Variants in YJU2 observed in about 807,000 individuals in gnomAD.
The protein encoded by YJU2 is splicing factor YJU2.
In YJU2, 28 loss-of-function variants were observed where a neutral mutation model predicts 39.6. The ratio of observed to expected loss-of-function variants is 0.71; its 90% CI spans 0.52 to 0.97. The LOEUF (loss-of-function observed/expected upper bound fraction) is 0.97, where lower values mean the gene tolerates loss of function less well. Among genes scored for constraint, YJU2 ranks in the 50% least tolerant of loss-of-function variants. The pLI is 0.00. For synonymous variants in YJU2, 184 were observed against 182.4 expected, an observed-to-expected ratio of 1.01 and a Z score of -0.07; for missense variants, 328 against 430.4, an observed-to-expected ratio of 0.76 and a Z score of 2.11.
intron 4 of YJU2, 109 bp from the exon 5 acceptor site, chr19:4,258,133 G>A (rs1415377507): frequency 2.8e-6 from 4 of 1,452,648 alleles, no homozygotes; most frequent in African/African-American, 1.4e-5. Flanking sequence ...GGATGGAAAC[G>A]TGGGGGTAGG....
chr19:4,258,298 C>T lies in YJU2; in HGVS notation c.462C>T (p.Leu154=), dbSNP rs1568362372. The change falls in exon 5 of 8, where the codon CTC becomes CTT. Residue 154 remains leucine, a synonymous_variant. Transcript: ENST00000262962. ...SKLEMEVLEN[L]QELKDLNQRQ... ...TGGAGATGGAGGTGCTGGAGAACCT[C>T]CAGGAGCTGAAAGACCTGAACCAGC... 6.4e-7 allele frequency: 1 copy of T among 1,566,170 alleles called. No individual in the cohort carries two copies. The highest frequency in any genetic ancestry group is 8.7e-7 in the Non-Finnish European group (1 of 1,155,132).
chr19:4,251,524 A>G (rs1309500762), intron 3 of YJU2, among the ~76,000 whole-genome samples: 1 of 152,100 alleles, frequency 6.6e-6, no homozygotes, highest in Non-Finnish European at 1.5e-5. Context: ...TGCCATGTCT[A>G]CTAAAAATAC....
chr19:4,264,210 C>T (rs1302460258), intron 6 of YJU2, among the ~76,000 whole-genome samples: 4 of 126,982 alleles, frequency 3.2e-5, no homozygotes, highest in Admixed American at 9.4e-5. Context: ...TGCAGTGAGC[C>T]GAGATTGTGC....
chr19:4,259,443 A>C (rs1485543227), intron 5 of YJU2, among the ~76,000 whole-genome samples: 1 of 151,956 alleles, frequency 6.6e-6, no homozygotes, highest in Non-Finnish European at 1.5e-5. Context: ...GCAGTAGTGC[A>C]GTCATAGCTC....
chr19:4,247,580 C>CGTGTGTGTGT, intron 1 of YJU2, among the ~76,000 whole-genome samples: 1 of 46,240 alleles, frequency 2.2e-5, no homozygotes, highest in Non-Finnish European at 3.7e-5. Context: ...GGTGGGGTGG[C>CGTGTGTGTGT]GCGTGTGTGT....
At chr19:4,250,205 A>G (rs2144688304) in intron 2 of YJU2, among the ~76,000 whole-genome samples, 1 of 152,268 alleles carries the variant, frequency 6.6e-6, no homozygotes, top group South Asian at 2.1e-4. Flanking sequence ...CACGCACCTA[A>G]CGAGGAAAGA....
intron 6 of YJU2, among the ~76,000 whole-genome samples, chr19:4,263,322 C>T (rs1971087789): frequency 6.6e-5 from 10 of 152,138 alleles, no homozygotes; most frequent in Admixed American, 6.6e-4. Context: ...CCACAGCTGG[C>T]TCAGAGCACC....
At chr19:4,264,777 G>C (rs1971103273) in intron 6 of YJU2, among the ~76,000 whole-genome samples, 1 of 151,980 alleles carries the variant, frequency 6.6e-6, no homozygotes, top group Non-Finnish European at 1.5e-5. Flanking sequence ...GTGAGCCACT[G>C]TGCCTGGCCC....
intron 1 of YJU2, 131 bp downstream of exon 1, chr19:4,247,301 C>T (rs990793636): frequency 2.6e-6 from 2 of 760,374 alleles, no homozygotes; most frequent in African/African-American, 3.5e-5. Flanking sequence ...ATGGGGCTTC[C>T]CAGACTCCTC....
intron 5 of YJU2, among the ~76,000 whole-genome samples, chr19:4,259,395 T>C (rs1971053037): frequency 6.6e-6 from 1 of 151,892 alleles, no homozygotes. Flanking sequence ...TTTCTTTTTC[T>C]TTGAGACGGG....
At chr19:4,249,560 C>T (rs1465322551) in intron 2 of YJU2, among the ~76,000 whole-genome samples, 1 of 152,022 alleles carries the variant, frequency 6.6e-6, no homozygotes, top group Non-Finnish European at 1.5e-5. Context: ...GGTTAGTAAA[C>T]GTGTGTGCAG....
In YJU2 at chr19:4,252,187, C is replaced by T. The variant is rs150452826; in HGVS notation, c.270+1016C>T. Among the ~76,000 whole-genome samples, 29 of 134,464 alleles carry T rather than the reference C, an allele frequency of 2.2e-4. No homozygotes were observed. In the East Asian group the frequency reaches 5.5e-3, roughly 25 times the overall value. The allele number at this position is 134,464 out of a possible 152,430, so 88.2% of individuals were successfully genotyped here. A position where few individuals can be genotyped will look rare whatever the true frequency, so the allele number is the denominator to read the frequency against. ...GATTAAAAAAACATTTTGGGCTGGG[C>T]GCAGTGGCTCACAGCTATAATCAGC... On this transcript the variant is annotated intron_variant, in intron 3 of 7. Coordinates refer to ENST00000262962, the MANE Select transcript of YJU2 (RefSeq NM_018074.6).
intron 6 of YJU2, among the ~76,000 whole-genome samples, chr19:4,264,276 AAAAAAAAAAAG>A (rs1413156298): frequency 1.3e-5 from 2 of 149,744 alleles, no homozygotes; most frequent in African/African-American, 4.9e-5. Context: ...AAAAAAAAAA[AAAAAAAAAAAG>A]AAACGATTGT....
At chr19:4,265,439 C>CTT (rs149329760) in intron 6 of YJU2, among the ~76,000 whole-genome samples, 1 of 139,076 alleles carries the variant, frequency 7.2e-6, no homozygotes. Context: ...ATTTTCTTTT[C>CTT]TTTTTTTTTT....
intron 4 of YJU2, among the ~76,000 whole-genome samples, chr19:4,257,655 G>T (rs1389710392): frequency 6.6e-6 from 1 of 152,062 alleles, no homozygotes; most frequent in East Asian, 1.9e-4. Context: ...TGTATTTTTA[G>T]TAGAGATGGG....
Position 4,254,336 on chromosome 19 carries a change from C to A in YJU2, c.271-19C>A. The A allele has an allele frequency of 6.2e-7, 1 of 1,600,706 alleles. No homozygotes were observed. Among genetic ancestry groups the A allele is most frequent in the South Asian group, 1.1e-5 (1 of 90,584 alleles). Reference sequence around the variant, plus strand: ...TGCCTGGGGATGTAGGAGCTGATGTCTGTCTATCCTCCCTGCAGACAGACC... The same window carrying A: ...TGCCTGGGGATGTAGGAGCTGATGTATGTCTATCCTCCCTGCAGACAGACC... On this transcript the variant is annotated intron_variant, in intron 3 of 7. Coordinates refer to ENST00000262962, the MANE Select transcript of YJU2 (RefSeq NM_018074.6).
At chr19:4,260,129 A>T (rs1423260396) in intron 5 of YJU2, among the ~76,000 whole-genome samples, 1 of 152,098 alleles carries the variant, frequency 6.6e-6, no homozygotes, top group Non-Finnish European at 1.5e-5. Context: ...AAGTTAATGT[A>T]AAAAAGTAGA....
chr19:4,268,792 C>A lies in YJU2; in HGVS notation c.*96C>A. 1.1e-6 allele frequency: 1 copy of A among 886,598 alleles called. No individual in the cohort carries two copies. Among genetic ancestry groups the A allele is most frequent in the Non-Finnish European group, 1.8e-6 (1 of 560,218 alleles). 54.9% of individuals were successfully genotyped at this position (886,598 alleles called of 1,614,324 possible). A position where few individuals can be genotyped will look rare whatever the true frequency, so the allele number is the denominator to read the frequency against. On this transcript the variant is annotated 3_prime_UTR_variant, in exon 8 of 8. Transcript: ENST00000262962. ...TGGTGGTCAGGGCAGGAGGCCTTGG[C>A]GTGACTGGAGGCCGGACAGACAAGC...
chr19:4,252,188 G>A (rs57905963), intron 3 of YJU2, among the ~76,000 whole-genome samples: 4,842 of 138,160 alleles, frequency 0.035, 249 homozygotes, highest in African/African-American at 0.14. Flanking sequence ...TGGGCTGGGC[G>A]CAGTGGCTCA....
Sources: allele counts gnomAD v4.1 joint callset (sites outside exome capture counted in the v4.1 genomes callset), GRCh38; gene constraint gnomAD v4.1.1; transcripts MANE v1.5; gene names NCBI Gene and HGNC (gene_info 2026-07-23, HGNC 2026-07-21).